The following IGSF11 variants were observed in gnomAD, a reference collection of about 807,000 sequenced individuals.
IGSF11 encodes immunoglobulin superfamily member 11.
IGSF11 carries 22 observed loss-of-function variants against 41.0 expected under a neutral mutation model. That is an observed-to-expected ratio of 0.54 (90% CI 0.38 to 0.77). The LOEUF is 0.77. Ranked by LOEUF, IGSF11 falls within the 30% of genes least tolerant of loss-of-function variation. IGSF11 has a pLI of 0.00. For missense variants in IGSF11, 444 were observed against 530.8 expected (o/e 0.84, Z 1.61); for synonymous variants, 219 against 201.3 (o/e 1.09, Z -0.74).
intron 1 of IGSF11, among the ~76,000 whole-genome samples, chr3:118,982,785 T>C (rs1042475205): frequency 6.6e-6 from 1 of 152,174 alleles, no homozygotes; most frequent in African/African-American, 2.4e-5. Context: ...CCAATATTAG[T>C]CATATTAATC....
intron 1 of IGSF11, among the ~76,000 whole-genome samples, chr3:119,129,708 T>C (rs1296581098): frequency 1.3e-5 from 2 of 152,164 alleles, no homozygotes; most frequent in Non-Finnish European, 2.9e-5. Context: ...AAAGCAACCA[T>C]GTACAATGGC....
chr3:118,904,595 T>C (rs1192706492), intron 6 of IGSF11, 53 bp downstream of exon 6: 39 of 1,275,008 alleles, frequency 3.1e-5, no homozygotes, highest in Admixed American at 1.0e-4. Context: ...CACAAATGAA[T>C]AGAAGTACAC....
At chr3:119,094,223 T>TTAAAAAAAAAAAA (rs1491294473) in intron 1 of IGSF11, among the ~76,000 whole-genome samples, 3 of 35,066 alleles carry the variant, frequency 8.6e-5, no homozygotes, top group Non-Finnish European at 1.1e-4. Context: ...CATAGCGAAG[T>TTAAAAAAAAAAAA]AAAAAAAAAA....
chr3:119,010,158 C>T (rs1468859930), intron 1 of IGSF11, among the ~76,000 whole-genome samples: 1 of 152,176 alleles, frequency 6.6e-6, no homozygotes, highest in East Asian at 1.9e-4. Flanking sequence ...TTCCGTCAGA[C>T]TCCTATTGCA....
chr3:119,067,634 T>C (rs1287219590), intron 1 of IGSF11, among the ~76,000 whole-genome samples: 1 of 151,672 alleles, frequency 6.6e-6, no homozygotes, highest in East Asian at 1.9e-4. Context: ...GAAAAAACTT[T>C]AGATTTTTTT....
In IGSF11 at chr3:119,057,850, C is replaced by T. The variant is rs1363279760; in HGVS notation, c.49+47294G>A. ...TACAACTATCTGATCTTTGACAAAC[C>T]TGACAAAAACAAGCAATGGGGAAAG... On this transcript the variant is annotated intron_variant, in intron 1 of 6. Transcript: ENST00000354673. 2.6e-5 allele frequency among the ~76,000 whole-genome samples: 4 copies of T among 152,194 alleles called. No individual in the cohort carries two copies. In the South Asian group the frequency reaches 6.2e-4, roughly 24 times the overall value.
At chr3:119,036,887 G>GA (rs201090185), upstream of IGSF11, among the ~76,000 whole-genome samples, 13 of 149,232 alleles carry the variant, frequency 8.7e-5, no homozygotes, top group Admixed American at 1.3e-4. Context: ...CCTTTCAATA[G>GA]AAAAAAAAAA....
chr3:119,067,201 G>T lies in IGSF11; in HGVS notation c.49+37943C>A, dbSNP rs561900675. Among the ~76,000 whole-genome samples, 5 of 152,264 alleles carry T rather than the reference G, an allele frequency of 3.3e-5. 1 individual carries two copies. The highest frequency in any genetic ancestry group is 3.9e-4 in the East Asian group (2 of 5,172). On this transcript the variant is annotated intron_variant, in intron 1 of 6. Transcript: ENST00000354673. ...AGAGTTTCTTCTGTCCTGTACTAGC[G>T]TATAGGATGAGTGGTTGGCTGATTA...
At chr3:119,059,920 A>G (rs1942000445) in intron 1 of IGSF11, among the ~76,000 whole-genome samples, 1 of 152,344 alleles carries the variant, frequency 6.6e-6, no homozygotes, top group East Asian at 1.9e-4. Flanking sequence ...AAAGGAAATG[A>G]TAAGACATAA....
intron 1 of IGSF11, among the ~76,000 whole-genome samples, chr3:118,954,924 A>G (rs544702805): frequency 6.6e-6 from 1 of 152,296 alleles, no homozygotes; most frequent in East Asian, 1.9e-4. Context: ...TGGATGAGGT[A>G]GAAAGGGAAC....
intron 1 of IGSF11, among the ~76,000 whole-genome samples, chr3:119,143,480 AAAAGGAATGAG>A (rs2077676539): frequency 6.6e-6 from 1 of 152,164 alleles, no homozygotes; most frequent in African/African-American, 2.4e-5. Context: ...ATATATACAG[AAAAGGAATGAG>A]AAAGGAATCA....
intron 1 of IGSF11, among the ~76,000 whole-genome samples, chr3:119,141,447 A>G (rs2077647346): frequency 6.6e-6 from 1 of 151,734 alleles, no homozygotes; most frequent in Admixed American, 6.6e-5. Flanking sequence ...GGAGAATATA[A>G]AATGAGAATA....
chr3:118,904,795 T>A lies in IGSF11; in HGVS notation c.707A>T (p.Gln236Leu). ...AGCTATTAGTCCAATGTTCCTGGGC[T>A]GGGCTGCAAAATATATTTAAGATAT... is the stretch of plus-strand genomic sequence containing the variant. ...CLLDLQVISPQPRNIGLIAGA... is the reference protein window; with the variant it reads ...CLLDLQVISPLPRNIGLIAGA... The change falls in exon 6 of 7, where the codon CAG (glutamine) becomes CTG (leucine). Residue 236 changes from glutamine to leucine, a missense_variant. This residue lies in a region of IGSF11 where 193 missense variants were observed against 283.5 expected (regional missense o/e 0.68). Transcript: ENST00000393775. 6.3e-7 allele frequency: 1 copy of A among 1,592,912 alleles called. No individual in the cohort carries two copies. The highest frequency in any genetic ancestry group is 8.5e-7 in the Non-Finnish European group (1 of 1,173,888).
At chr3:118,989,145 A>G (rs1935536856) in intron 1 of IGSF11, among the ~76,000 whole-genome samples, 1 of 152,228 alleles carries the variant, frequency 6.6e-6, no homozygotes, top group Non-Finnish European at 1.5e-5. Context: ...GACAAAACAC[A>G]AGATCAATCA....
chr3:119,046,167 A>G (rs1941341776), intron 1 of IGSF11, among the ~76,000 whole-genome samples: 1 of 150,920 alleles, frequency 6.6e-6, no homozygotes, highest in Non-Finnish European at 1.5e-5. Context: ...GAGCTGAGAG[A>G]AGAAGGCTTC....
chr3:119,069,453 TTTGAGATTTTA>T (rs1347883213), intron 1 of IGSF11, among the ~76,000 whole-genome samples: 1 of 152,178 alleles, frequency 6.6e-6, no homozygotes, highest in African/African-American at 2.4e-5. Context: ...CATTGTAGTC[TTTGAGATTTTA>T]TGAATAAAAT....
At chr3:119,060,647 A>G (rs1166539376) in intron 1 of IGSF11, among the ~76,000 whole-genome samples, 1 of 152,216 alleles carries the variant, frequency 6.6e-6, no homozygotes, top group Non-Finnish European at 1.5e-5. Context: ...TTTAAACTGC[A>G]TAGTCAAGAT....
intron 1 of IGSF11, among the ~76,000 whole-genome samples, chr3:119,104,274 A>G (rs2076984566): frequency 6.6e-6 from 1 of 152,132 alleles, no homozygotes; most frequent in South Asian, 2.1e-4. Context: ...TATGTCCCCT[A>G]TCTACCTCTC....
chr3:119,030,738 G>C (rs1940317151), intron 1 of IGSF11, among the ~76,000 whole-genome samples: 1 of 152,170 alleles, frequency 6.6e-6, no homozygotes, highest in Non-Finnish European at 1.5e-5. Flanking sequence ...AGATCCTCCA[G>C]ATGGTGTGGG....
Sources: allele counts gnomAD v4.1 joint callset (sites outside exome capture counted in the v4.1 genomes callset), GRCh38; gene constraint gnomAD v4.1.1; regional missense constraint gnomAD v4.1.1; transcripts MANE v1.5; gene names NCBI Gene and HGNC (gene_info 2026-07-23, HGNC 2026-07-21).